The following IL1RAPL1 variants were observed in gnomAD, a reference collection of about 807,000 sequenced individuals.
IL1RAPL1 encodes interleukin-1 receptor accessory protein-like 1.
A neutral mutation model predicts 48.4 loss-of-function variants in IL1RAPL1; 3 were observed. The ratio of observed to expected loss-of-function variants is 0.06; its 90% CI spans 0.03 to 0.16. IL1RAPL1 has a LOEUF of 0.16. Among genes scored for constraint, IL1RAPL1 ranks in the 10% least tolerant of loss-of-function variants. The pLI, the probability that IL1RAPL1 is intolerant of heterozygous loss-of-function variation, is 1.00. For missense variants in IL1RAPL1, 349 were observed against 530.6 expected, an observed-to-expected ratio of 0.66 and a Z score of 3.36; for synonymous variants, 185 against 187.7, an observed-to-expected ratio of 0.99 and a Z score of 0.12.
intron 6 of IL1RAPL1, among the ~76,000 whole-genome samples, chrX:29,710,848 C>T (rs1927322892): frequency 9.3e-6 from 1 of 106,969 alleles, no homozygotes; most frequent in Non-Finnish European, 1.9e-5. Context: ...TGCTAGATAA[C>T]CTCTTGTTTG....
intron 2 of IL1RAPL1, among the ~76,000 whole-genome samples, chrX:29,169,518 G>A (rs1020514888): frequency 1.8e-5 from 2 of 110,385 alleles, no homozygotes; most frequent in African/African-American, 6.6e-5. Flanking sequence ...ACAGAAACAT[G>A]CATCAGATAA....
chrX:29,101,676 C>T (rs1197899132), intron 2 of IL1RAPL1, among the ~76,000 whole-genome samples: 1 of 112,162 alleles, frequency 8.9e-6, no homozygotes, highest in Non-Finnish European at 1.9e-5. Flanking sequence ...TGGCTCATGC[C>T]TGTAATCCCA....
intron 2 of IL1RAPL1, among the ~76,000 whole-genome samples, chrX:29,228,537 T>C (rs776362295): frequency 1.8e-4 from 20 of 109,462 alleles, no homozygotes; most frequent in African/African-American, 5.6e-4. Flanking sequence ...GTATTTTTAG[T>C]AGAGATGCGG....
At chrX:29,269,162 C>T (rs762290532) in intron 2 of IL1RAPL1, among the ~76,000 whole-genome samples, 1 of 112,104 alleles carries the variant, frequency 8.9e-6, no homozygotes, top group East Asian at 2.8e-4. Flanking sequence ...TGATTTACTG[C>T]ATTAAGTGTT....
rs186571200 is a variant in IL1RAPL1 at position 29,712,609 on chromosome X, G to C, written c.778+44105G>C. On this transcript the variant is annotated intron_variant, in intron 6 of 10. Coordinates refer to ENST00000378993, the MANE Select transcript of IL1RAPL1 (RefSeq NM_014271.4). ...TGTTAGCAGTTAGTTGATGGTGACCGTATGTAAGTTACTGTGTTGAGTTAA... is the reference window on the plus strand; with the variant it reads ...TGTTAGCAGTTAGTTGATGGTGACCCTATGTAAGTTACTGTGTTGAGTTAA... 2.1e-3 allele frequency among the ~76,000 whole-genome samples: 237 copies of C among 112,070 alleles called. 1 individual carries two copies. Among genetic ancestry groups the C allele is most frequent in the African/African-American group, 7.2e-3 (224 of 30,924 alleles).
At chrX:28,811,083 T>C (rs1224939606) in intron 2 of IL1RAPL1, among the ~76,000 whole-genome samples, 1 of 110,691 alleles carries the variant, frequency 9.0e-6, no homozygotes, top group Admixed American at 9.6e-5. Flanking sequence ...GGATTTAGAG[T>C]TTAAATACTA....
chrX:29,837,757 C>G (rs1405794201), intron 6 of IL1RAPL1, among the ~76,000 whole-genome samples: 1 of 112,334 alleles, frequency 8.9e-6, no homozygotes, highest in Non-Finnish European at 1.9e-5. Context: ...CAGAACATAG[C>G]ACTGTGTTTA....
rs373748301 is a variant in IL1RAPL1 at position 28,943,810 on chromosome X, C to T, written c.82+154385C>T. Among the ~76,000 whole-genome samples the T allele has an allele frequency of 1.7e-4, 19 of 110,934 alleles. No homozygotes were observed. In the East Asian group the frequency reaches 5.1e-3, roughly 30 times the overall value. The stretch of plus-strand genomic sequence containing the variant: ...ACAAAGTGCTGAAATGCTGGTTTAT[C>T]TTCCCAATTCCCTTTAGTGTCATTG... On this transcript the variant is annotated intron_variant, in intron 2 of 10. Transcript: ENST00000378993.
chrX:28,732,368 G>A (rs751380435), intron 1 of IL1RAPL1, among the ~76,000 whole-genome samples: 6 of 111,561 alleles, frequency 5.4e-5, no homozygotes, highest in African/African-American at 6.5e-5. Flanking sequence ...AAGAACAATC[G>A]AAATTTACGA....
At chrX:28,811,156 CT>C (rs2147276016) in intron 2 of IL1RAPL1, among the ~76,000 whole-genome samples, 1 of 110,558 alleles carries the variant, frequency 9.0e-6, no homozygotes, top group Admixed American at 9.6e-5. Flanking sequence ...GAGGGTTAAG[CT>C]TGTTGAATTA....
chrX:29,178,077 A>T (rs1930064370), intron 2 of IL1RAPL1, among the ~76,000 whole-genome samples: 1 of 111,839 alleles, frequency 8.9e-6, no homozygotes, highest in African/African-American at 3.3e-5. Flanking sequence ...TCTTTATAGT[A>T]GCATGATTTA....
chrX:29,181,956 C>G (rs1930152071), intron 2 of IL1RAPL1, among the ~76,000 whole-genome samples: 1 of 111,694 alleles, frequency 9.0e-6, no homozygotes, highest in African/African-American at 3.3e-5. Flanking sequence ...TGGCAAACAA[C>G]TGCTAAAGCC....
At chrX:28,677,293 T>C (rs1438964020) in intron 1 of IL1RAPL1, among the ~76,000 whole-genome samples, 2 of 112,127 alleles carry the variant, frequency 1.8e-5, no homozygotes, top group East Asian at 2.8e-4. Flanking sequence ...TTGTGTGTTA[T>C]ATAAGAAGGA....
At chrX:29,562,087 ATCTG>A (rs758344500) in intron 5 of IL1RAPL1, among the ~76,000 whole-genome samples, 9 of 75,909 alleles carry the variant, frequency 1.2e-4, no homozygotes, top group South Asian at 7.9e-4. Context: ...TATCTAATCT[ATCTG>A]TCTATCTATC....
At chrX:29,353,195 T>C (rs1303287197) in intron 3 of IL1RAPL1, among the ~76,000 whole-genome samples, 1 of 111,641 alleles carries the variant, frequency 9.0e-6, no homozygotes, top group African/African-American at 3.3e-5. Context: ...AAATAAAAGA[T>C]GTTAAGCAAG....
chrX:28,913,692 AAAAAT>A (rs1194284523), intron 2 of IL1RAPL1, among the ~76,000 whole-genome samples: 3 of 111,275 alleles, frequency 2.7e-5, no homozygotes, highest in Non-Finnish European at 3.8e-5. Context: ...CGCTGTTTCT[AAAAAT>A]AAAATAAAAT....
intron 2 of IL1RAPL1, among the ~76,000 whole-genome samples, chrX:28,949,250 G>A (rs990554204): frequency 2.8e-5 from 3 of 108,731 alleles, no homozygotes; most frequent in Non-Finnish European, 5.7e-5. Context: ...GCAGAAAAAT[G>A]TTAAATTGAG....
At chrX:29,665,450 T>G (rs1299493262) in intron 5 of IL1RAPL1, among the ~76,000 whole-genome samples, 1 of 112,703 alleles carries the variant, frequency 8.9e-6, no homozygotes, top group Non-Finnish European at 1.9e-5. Context: ...GATTGGCCAT[T>G]ACCATAGCTG....
intron 5 of IL1RAPL1, among the ~76,000 whole-genome samples, chrX:29,632,716 G>A (rs1251368834): frequency 9.0e-6 from 1 of 111,205 alleles, no homozygotes; most frequent in Non-Finnish European, 1.9e-5. Flanking sequence ...TGAGCTTTAC[G>A]TGGGTGATAG....
Sources: gnomAD v4.1 joint callset for allele counts (sites outside exome capture counted in the v4.1 genomes callset) on GRCh38, gnomAD v4.1.1 for gene constraint, MANE v1.5 for transcripts, NCBI Gene and HGNC (gene_info 2026-07-23, HGNC 2026-07-21) for gene names.